UGT8: variants seen among roughly 807,000 people sequenced by gnomAD.
UGT8 encodes 2-hydroxyacylsphingosine 1-beta-galactosyltransferase.
A neutral mutation model predicts 40.5 loss-of-function variants in UGT8; 12 were observed. The ratio of observed to expected loss-of-function variants is 0.30; its 90% CI spans 0.19 to 0.48. The LOEUF (loss-of-function observed/expected upper bound fraction) is 0.48, where lower values mean the gene tolerates loss of function less well. UGT8 is among the 20% of genes least tolerant of loss of function. The pLI is 0.99. For missense variants in UGT8, 513 were observed against 648.7 expected (o/e 0.79, Z 2.27); for synonymous variants, 224 against 240.4 (o/e 0.93, Z 0.63).
In UGT8 at chr4:114,622,922, T is replaced by C. The variant is rs1430524111; in HGVS notation, c.42T>C (p.Ala14=). The change falls in exon 2 of 6, where the codon GCT becomes GCC. Residue 14 remains alanine (A), a synonymous_variant. Transcript: ENST00000310836. The stretch of plus-strand genomic sequence containing the variant: ...CATATTTCATTCTCCTGTGGAGTGC[T>C]GTTGGGATAGCGAAGGCTGCCAAAA... ...YTPYFILLWS[A]VGIAKAAKII... is the part of the protein sequence containing the mutation. The C allele has an allele frequency of 6.2e-7, 1 of 1,614,054 alleles. No homozygotes were observed. The highest frequency in any genetic ancestry group is 1.7e-5 in the Admixed American group (1 of 59,990).
chr4:114,626,134 G>A (rs1732203410), intron 2 of UGT8, among the ~76,000 whole-genome samples: 1 of 152,150 alleles, frequency 6.6e-6, no homozygotes, highest in African/African-American at 2.4e-5. Context: ...GTATTTTGAA[G>A]AATGATGTGC....
At chr4:114,657,433 G>A (rs1734257017) in intron 2 of UGT8, among the ~76,000 whole-genome samples, 1 of 152,018 alleles carries the variant, frequency 6.6e-6, no homozygotes, top group Non-Finnish European at 1.5e-5. Context: ...GGCATCTTTT[G>A]AGATTTTAAA....
intron 2 of UGT8, among the ~76,000 whole-genome samples, chr4:114,638,495 G>T (rs1458666400): frequency 6.6e-6 from 1 of 152,136 alleles, no homozygotes; most frequent in Non-Finnish European, 1.5e-5. Flanking sequence ...AACAGACGAG[G>T]CAAATTTTAG....
chr4:114,600,270 C>T (rs1006311074), intron 1 of UGT8, among the ~76,000 whole-genome samples: 2 of 152,158 alleles, frequency 1.3e-5, no homozygotes, highest in East Asian at 3.9e-4. Context: ...AAAAACCACA[C>T]TACTCCAAAT....
intron 1 of UGT8, among the ~76,000 whole-genome samples, chr4:114,608,158 CT>C (rs1379141424): frequency 6.6e-6 from 1 of 152,016 alleles, no homozygotes; most frequent in Non-Finnish European, 1.5e-5. Flanking sequence ...GATGTCCTGC[CT>C]TTTTTTTCTT....
At chr4:114,615,946 A>G (rs1731395717) in intron 1 of UGT8, among the ~76,000 whole-genome samples, 1 of 149,144 alleles carries the variant, frequency 6.7e-6, no homozygotes, top group Non-Finnish European at 1.5e-5. Flanking sequence ...TTGCTGCCTG[A>G]TTGTTCCTCT....
chr4:114,613,686 C>T (rs1276014192), intron 1 of UGT8, among the ~76,000 whole-genome samples: 2 of 152,110 alleles, frequency 1.3e-5, no homozygotes, highest in African/African-American at 4.8e-5. Flanking sequence ...ACATAAGTAA[C>T]GAGTGCTAGA....
intron 2 of UGT8, among the ~76,000 whole-genome samples, chr4:114,639,888 T>C (rs1733102227): frequency 6.6e-6 from 1 of 152,192 alleles, no homozygotes; most frequent in Non-Finnish European, 1.5e-5. Flanking sequence ...ATGAAAGCAA[T>C]GAACTGGAAT....
intron 1 of UGT8, 100 bp downstream of exon 1, chr4:114,599,074 T>A (rs1730271847): frequency 2.2e-5 from 1 of 44,454 alleles, no homozygotes; most frequent in South Asian, 7.9e-4. Context: ...GCCGGGCGAA[T>A]GGCTGCTGTC....
At chr4:114,664,534 G>A (rs1167073923) in intron 3 of UGT8, among the ~76,000 whole-genome samples, 2 of 152,214 alleles carry the variant, frequency 1.3e-5, no homozygotes, top group South Asian at 2.1e-4. Context: ...ATGGATTAAC[G>A]AATACCTAAA....
chr4:114,616,059 G>C (rs930671343), intron 1 of UGT8, among the ~76,000 whole-genome samples: 1 of 152,138 alleles, frequency 6.6e-6, no homozygotes, highest in Admixed American at 6.5e-5. Context: ...GGACCCAGTT[G>C]AGGAGGCAGT....
At chr4:114,609,903 T>G (rs1730944860) in intron 1 of UGT8, among the ~76,000 whole-genome samples, 1 of 152,188 alleles carries the variant, frequency 6.6e-6, no homozygotes, top group Non-Finnish European at 1.5e-5. Context: ...ACATTTAGAA[T>G]TAATTCAGTC....
At chr4:114,600,390 CTGA>C (rs1184163266) in intron 1 of UGT8, among the ~76,000 whole-genome samples, 2 of 152,154 alleles carry the variant, frequency 1.3e-5, no homozygotes, top group Admixed American at 6.5e-5. Context: ...GTTATCATTT[CTGA>C]TAATTTCATG....
chr4:114,676,641 A>ATG lies in UGT8; in HGVS notation c.*375_*376dup, dbSNP rs113192515. 5,739 of 179,122 alleles carry ATG rather than the reference A, an allele frequency of 0.032. 211 individuals carry two copies. The highest frequency in any genetic ancestry group is 0.086 in the African/African-American group (3,303 of 38,436). 11.1% of individuals were successfully genotyped at this position (179,122 alleles called of 1,614,324 possible). ...TTTTCTTAATAATGTGTGTGTGTGT[A>ATG]TGTGTGTGTGTGTGTGTGTGTGTTT... On this transcript the variant is annotated 3_prime_UTR_variant, in exon 6 of 6. Transcript: ENST00000310836.
intron 2 of UGT8, among the ~76,000 whole-genome samples, chr4:114,655,909 T>G (rs1005969851): frequency 6.6e-6 from 1 of 152,100 alleles, no homozygotes; most frequent in Non-Finnish European, 1.5e-5. Flanking sequence ...ACTCAGTGTT[T>G]CTTAGATTCT....
intron 2 of UGT8, among the ~76,000 whole-genome samples, chr4:114,625,325 C>A (rs1282847239): frequency 6.6e-6 from 1 of 151,964 alleles, no homozygotes; most frequent in Non-Finnish European, 1.5e-5. Flanking sequence ...CCAGCCTGGA[C>A]AACATAGTGA....
intron 2 of UGT8, chr4:114,663,720 T>C (rs1277433094): frequency 2.0e-6 from 2 of 985,200 alleles, no homozygotes; most frequent in African/African-American, 1.7e-5. Context: ...TTTTGACCTT[T>C]TTCTGAGATT....
intron 3 of UGT8, among the ~76,000 whole-genome samples, 194 bp downstream of exon 3, chr4:114,664,331 T>A (rs572716839): frequency 1.6e-4 from 25 of 152,328 alleles, no homozygotes; most frequent in Non-Finnish European, 2.5e-4. Flanking sequence ...TAAAGAAACC[T>A]CTGACCTATA....
chr4:114,630,905 A>G (rs545981921), intron 2 of UGT8, among the ~76,000 whole-genome samples: 20 of 152,114 alleles, frequency 1.3e-4, no homozygotes, highest in Admixed American at 9.8e-4. Flanking sequence ...CTCCACACCT[A>G]TCCATTCTCC....
Sources: gnomAD v4.1 joint callset for allele counts (sites outside exome capture counted in the v4.1 genomes callset) on GRCh38, gnomAD v4.1.1 for gene constraint, MANE v1.5 for transcripts, NCBI Gene and HGNC (gene_info 2026-07-23, HGNC 2026-07-21) for gene names.